PCDH15: variants seen among roughly 807,000 people sequenced by gnomAD.
PCDH15 encodes the protein protocadherin-15.
A neutral mutation model predicts 178.5 loss-of-function variants in PCDH15; 129 were observed. The ratio of observed to expected loss-of-function variants is 0.72; its 90% CI spans 0.63 to 0.84. The LOEUF is 0.84. Among genes scored for constraint, PCDH15 ranks in the 40% least tolerant of loss-of-function variants. The probability of loss-of-function intolerance (pLI) is 0.00; values close to 1 mark genes in which losing one functional copy is unlikely to be tolerated. For synonymous variants in PCDH15, 800 were observed against 732.0 expected (o/e 1.09, Z -1.50); for missense variants, 2,230 against 2,099.9 (o/e 1.06, Z -1.21).
At chr10:54,950,041 C>G (rs1027242428) in intron 2 of PCDH15, among the ~76,000 whole-genome samples, 6 of 152,018 alleles carry the variant, frequency 3.9e-5, no homozygotes, top group African/African-American at 1.2e-4. Context: ...TCCAAAGTTG[C>G]TTCCACATTT....
chr10:54,403,215 T>A (rs112915608), intron 3 of PCDH15, among the ~76,000 whole-genome samples: 3,992 of 152,040 alleles, frequency 0.026, 168 homozygotes, highest in African/African-American at 0.089. Context: ...GCTCTCTACA[T>A]AGCTATGAAG....
chr10:54,843,254 A>T (rs1953449940), intron 3 of PCDH15, among the ~76,000 whole-genome samples: 1 of 151,932 alleles, frequency 6.6e-6, no homozygotes, highest in African/African-American at 2.4e-5. Flanking sequence ...GGCATGGAAA[A>T]TAATTGGCAT....
rs538856426 is a variant in PCDH15, at chr10:54,335,866, C to A, written c.595-6160G>T. On this transcript the variant is annotated intron_variant, in intron 6 of 37. Transcript: ENST00000644397. ...ACTGGGTGGCAGGCAGAGGTTGGAACAGTTTGGAGGGCTCAGAAGGACAGG... is the reference window on the plus strand; with the variant it reads ...ACTGGGTGGCAGGCAGAGGTTGGAAAAGTTTGGAGGGCTCAGAAGGACAGG... Among the ~76,000 whole-genome samples the A allele has an allele frequency of 2.6e-5, 4 of 152,204 alleles. No homozygotes were observed. The South Asian group carries it at 8.3e-4, about 32-fold the overall frequency.
At chr10:54,912,403 C>G (rs930956215) in intron 2 of PCDH15, among the ~76,000 whole-genome samples, 3 of 151,980 alleles carry the variant, frequency 2.0e-5, no homozygotes, top group African/African-American at 7.2e-5. Flanking sequence ...TGAATGAGTT[C>G]TTATACCAGC....
chr10:54,818,986 G>A (rs186584078), intron 3 of PCDH15, among the ~76,000 whole-genome samples: 1 of 151,906 alleles, frequency 6.6e-6, no homozygotes, highest in Admixed American at 6.6e-5. Flanking sequence ...GAGCTGTGGG[G>A]TGATCATAGT....
intron 8 of PCDH15, among the ~76,000 whole-genome samples, chr10:54,307,094 GTGTGTGTGTGTATA>G (rs1564922649): frequency 0.033 from 267 of 8,172 alleles, 26 homozygotes; most frequent in African/African-American, 0.13. Context: ...ATATATATAT[GTGTGTGTGTGTATA>G]TATATATATA....
At chr10:53,823,536 AGAAAAATCTTAGAGTTGTGAGAAGAAT>A (rs1347735999) in intron 32 of PCDH15, 1 of 752,230 alleles carries the variant, frequency 1.3e-6, no homozygotes, top group African/African-American at 1.7e-5. Flanking sequence ...AAGGCAGGGC[AGAAAAATCTTAGAGTTGTGAGAAGAAT>A]GAGAAATGTA....
chr10:55,089,132 T>A (rs1242632253), intron 2 of PCDH15, among the ~76,000 whole-genome samples: 1 of 152,182 alleles, frequency 6.6e-6, no homozygotes, highest in East Asian at 1.9e-4. Context: ...CAAGTATTTT[T>A]AAATTGTCCA....
At chr10:54,423,015 T>C (rs1160808631) in intron 3 of PCDH15, among the ~76,000 whole-genome samples, 1 of 152,208 alleles carries the variant, frequency 6.6e-6, no homozygotes, top group East Asian at 1.9e-4. Context: ...ATAAGTATTA[T>C]GTGTTTTGTT....
At chr10:54,157,128 C>G (rs1336683253) in intron 13 of PCDH15, among the ~76,000 whole-genome samples, 1 of 152,194 alleles carries the variant, frequency 6.6e-6, no homozygotes, top group African/African-American at 2.4e-5. Flanking sequence ...ATTCTGGGCT[C>G]TGGAGGACAG....
At chr10:54,537,294 C>A (rs191725974) in intron 2 of PCDH15, among the ~76,000 whole-genome samples, 35 of 152,134 alleles carry the variant, frequency 2.3e-4, no homozygotes, top group Non-Finnish European at 3.7e-4. Flanking sequence ...CCAACGCGAC[C>A]GGCCGCAATT....
At chr10:55,360,521 G>C (rs1047548424) in intron 2 of PCDH15, among the ~76,000 whole-genome samples, 4 of 151,800 alleles carry the variant, frequency 2.6e-5, no homozygotes, top group African/African-American at 9.7e-5. Context: ...AAACAACAAA[G>C]GCAGGTAATG....
chr10:55,619,632 G>A (rs1307004016), intron 2 of PCDH15, among the ~76,000 whole-genome samples: 1 of 151,964 alleles, frequency 6.6e-6, no homozygotes, highest in Non-Finnish European at 1.5e-5. Flanking sequence ...TGTACTTAAA[G>A]TAATAACTGG....
chr10:54,690,913 G>A (rs1460532221), intron 1 of PCDH15, among the ~76,000 whole-genome samples: 1 of 151,788 alleles, frequency 6.6e-6, no homozygotes, highest in African/African-American at 2.4e-5. Flanking sequence ...TTCTCAACTT[G>A]GCTGAATATG....
intron 3 of PCDH15, among the ~76,000 whole-genome samples, chr10:54,873,182 A>G (rs1193579377): frequency 1.3e-5 from 2 of 152,096 alleles, no homozygotes; most frequent in African/African-American, 4.8e-5. Flanking sequence ...TATGTTTTTT[A>G]TATATCGTAG....
At chr10:54,588,933 T>C (rs2091694966) in intron 2 of PCDH15, among the ~76,000 whole-genome samples, 1 of 152,096 alleles carries the variant, frequency 6.6e-6, no homozygotes. Context: ...AAAAAAATGG[T>C]GATATTAAAA....
At chr10:54,261,242 T>C (rs575591719) in intron 8 of PCDH15, among the ~76,000 whole-genome samples, 3 of 152,204 alleles carry the variant, frequency 2.0e-5, no homozygotes, top group Admixed American at 6.5e-5. Context: ...ATTAAAAATA[T>C]ACAGATTTAA....
At chr10:54,719,010 C>T (rs2095514231) in intron 1 of PCDH15, among the ~76,000 whole-genome samples, 1 of 151,646 alleles carries the variant, frequency 6.6e-6, no homozygotes. Flanking sequence ...TGATTCTTTA[C>T]CAATGAATCT....
intron 17 of PCDH15, among the ~76,000 whole-genome samples, chr10:54,075,620 A>G (rs568856037): frequency 1.3e-5 from 2 of 152,168 alleles, no homozygotes; most frequent in African/African-American, 4.8e-5. Context: ...TTCTTCTAAG[A>G]GTTCTATAGA....
Sources: gnomAD v4.1 joint callset for allele counts (sites outside exome capture counted in the v4.1 genomes callset) on GRCh38, gnomAD v4.1.1 for gene constraint, MANE v1.5 for transcripts, NCBI Gene and HGNC (gene_info 2026-07-23, HGNC 2026-07-21) for gene names.